The following LIPI variants were observed in gnomAD, a reference collection of about 807,000 sequenced individuals.
LIPI encodes lipase member I.
Under a neutral mutation model 50.6 loss-of-function variants are expected in LIPI, and 59 were observed. The ratio of observed to expected loss-of-function variants is 1.16; its 90% CI spans 0.94 to 1.45. The LOEUF is 1.45. Ranked by LOEUF, LIPI falls within the 40% of genes most tolerant of loss-of-function variation. The pLI is 0.00. For missense variants in LIPI, 586 were observed against 536.3 expected, an observed-to-expected ratio of 1.09 and a Z score of -0.92; for synonymous variants, 203 against 178.2, an observed-to-expected ratio of 1.14 and a Z score of -1.11.
At chr21:14,161,517 ATAG>A (rs2018464167) in intron 7 of LIPI, among the ~76,000 whole-genome samples, 1 of 132,162 alleles carries the variant, frequency 7.6e-6, no homozygotes. Flanking sequence ...ATATAGATAT[ATAG>A]ATATAGATAT....
intron 4 of LIPI, among the ~76,000 whole-genome samples, chr21:14,179,013 T>C (rs2019183198): frequency 6.6e-6 from 1 of 152,122 alleles, no homozygotes; most frequent in Non-Finnish European, 1.5e-5. Flanking sequence ...TGTTCAGCTT[T>C]ACCCATGCTT....
chr21:14,204,308 G>T (rs908155612), intron 1 of LIPI, among the ~76,000 whole-genome samples: 9 of 151,422 alleles, frequency 5.9e-5, no homozygotes, highest in Admixed American at 1.3e-4. Flanking sequence ...AGGTAGAAGG[G>T]TTTGGGAGGA....
chr21:14,158,868 T>C (rs1280768747), intron 7 of LIPI, among the ~76,000 whole-genome samples: 1 of 150,860 alleles, frequency 6.6e-6, no homozygotes, highest in Non-Finnish European at 1.5e-5. Flanking sequence ...AACCTACTGT[T>C]CACAATTCAA....
At chr21:14,139,797 A>C (rs1366672260) in intron 9 of LIPI, among the ~76,000 whole-genome samples, 1 of 152,174 alleles carries the variant, frequency 6.6e-6, no homozygotes, top group East Asian at 1.9e-4. Flanking sequence ...AGCCATCGGC[A>C]CTTCAAGGGG....
At chr21:14,200,496 C>T (rs1484743064) in intron 1 of LIPI, among the ~76,000 whole-genome samples, 1 of 152,084 alleles carries the variant, frequency 6.6e-6, no homozygotes, top group African/African-American at 2.4e-5. Context: ...AATTAACTCT[C>T]ATTCACAATT....
chr21:14,142,593 C>T (rs995870909), intron 9 of LIPI, among the ~76,000 whole-genome samples: 2 of 151,166 alleles, frequency 1.3e-5, no homozygotes, highest in African/African-American at 4.8e-5. Flanking sequence ...AGTGATTTTC[C>T]CACCTCAGCC....
intron 8 of LIPI, among the ~76,000 whole-genome samples, chr21:14,147,550 A>G (rs1336970769): frequency 6.6e-6 from 1 of 152,134 alleles, no homozygotes; most frequent in Non-Finnish European, 1.5e-5. Context: ...TCTATCTGCT[A>G]TAGACATCTA....
At chr21:14,201,165 A>G (rs923144122) in intron 1 of LIPI, among the ~76,000 whole-genome samples, 1 of 152,164 alleles carries the variant, frequency 6.6e-6, no homozygotes, top group Non-Finnish European at 1.5e-5. Flanking sequence ...GCCCTGAAAG[A>G]CAACTTAGGC....
chr21:14,127,534 A>G (rs936777251), intron 9 of LIPI, among the ~76,000 whole-genome samples: 2 of 152,224 alleles, frequency 1.3e-5, no homozygotes, highest in South Asian at 2.1e-4. Flanking sequence ...TTAAAATTGC[A>G]TACTTGTTCT....
chr21:14,197,653 C>T (rs2019908113), intron 1 of LIPI, among the ~76,000 whole-genome samples: 1 of 151,912 alleles, frequency 6.6e-6, no homozygotes, highest in African/African-American at 2.4e-5. Context: ...CACTGGTGTA[C>T]CTGAAAGAGA....
intron 4 of LIPI, among the ~76,000 whole-genome samples, chr21:14,168,343 A>T (rs2018767807): frequency 6.6e-6 from 1 of 152,202 alleles, no homozygotes; most frequent in South Asian, 2.1e-4. Context: ...GCCAACATTC[A>T]GATTCAGGAA....
chr21:14,198,153 C>A (rs1025689086), intron 1 of LIPI, among the ~76,000 whole-genome samples: 1 of 152,082 alleles, frequency 6.6e-6, no homozygotes, highest in African/African-American at 2.4e-5. Context: ...TCTTTACCAG[C>A]CATTACAAAA....
intron 9 of LIPI, among the ~76,000 whole-genome samples, chr21:14,122,035 T>C (rs564023522): frequency 2.7e-4 from 41 of 152,346 alleles, no homozygotes; most frequent in African/African-American, 9.4e-4. Context: ...CTATTGCTTA[T>C]ACTGATTGTT....
At chr21:14,186,161 A>T in intron 2 of LIPI, 92 bp from the exon 3 acceptor site, 1 of 784,854 alleles carries the variant, frequency 1.3e-6, no homozygotes, top group East Asian at 2.5e-5. Flanking sequence ...AAAATTCATT[A>T]TTTTTCTGGC....
chr21:14,175,759 G>A (rs1600900442), intron 4 of LIPI, among the ~76,000 whole-genome samples: 1 of 152,230 alleles, frequency 6.6e-6, no homozygotes, highest in Non-Finnish European at 1.5e-5. Context: ...GACTGAAACA[G>A]AACCAGGTAA....
intron 7 of LIPI, among the ~76,000 whole-genome samples, chr21:14,162,506 T>G (rs1380971879): frequency 6.6e-6 from 1 of 151,868 alleles, no homozygotes. Context: ...TGTATCAATG[T>G]CAATATCCTG....
chr21:14,182,335 G>A (rs568349885), intron 3 of LIPI, among the ~76,000 whole-genome samples: 15 of 151,994 alleles, frequency 9.9e-5, no homozygotes, highest in South Asian at 4.2e-4. Flanking sequence ...TCCATTTCTC[G>A]TAAGACTTTC....
intron 4 of LIPI, among the ~76,000 whole-genome samples, chr21:14,167,917 G>A (rs896319081): frequency 4.6e-5 from 7 of 152,236 alleles, no homozygotes; most frequent in South Asian, 2.1e-4. Context: ...AAATTACTCC[G>A]AACTACGGGA....
intron 1 of LIPI, among the ~76,000 whole-genome samples, chr21:14,194,053 A>G (rs1303834240): frequency 6.6e-6 from 1 of 152,162 alleles, no homozygotes. Context: ...TATCACTATC[A>G]CTAATAATTG....
Sources: allele counts gnomAD v4.1 joint callset (sites outside exome capture counted in the v4.1 genomes callset), GRCh38; gene constraint gnomAD v4.1.1; transcripts MANE v1.5; gene names NCBI Gene and HGNC (gene_info 2026-07-23, HGNC 2026-07-21).